The following NFATC1 variants were observed in gnomAD, a reference collection of about 807,000 sequenced individuals.
The protein encoded by NFATC1 is nuclear factor of activated T-cells, cytoplasmic 1.
In NFATC1, 22 loss-of-function variants were observed where a neutral mutation model predicts 76.0. The observed-to-expected ratio is 0.29, with a 90% CI of 0.21 to 0.41. NFATC1 has a LOEUF of 0.41. NFATC1 is among the 10% of genes least tolerant of loss of function. The pLI is 1.00. For missense variants in NFATC1, 1,357 were observed against 1,337.7 expected (o/e 1.01, Z -0.23); for synonymous variants, 704 against 613.1 (o/e 1.15, Z -2.19).
intron 1 of NFATC1, chr18:79,400,485 T>C: frequency 6.8e-7 from 1 of 1,475,530 alleles, no homozygotes; most frequent in Middle Eastern, 1.8e-4. Context: ...CCCAGGTGGG[T>C]CAGTCCCGGA....
At chr18:79,427,058 G>T (rs116181752) in intron 2 of NFATC1, among the ~76,000 whole-genome samples, 1 of 152,208 alleles carries the variant, frequency 6.6e-6, no homozygotes, top group African/African-American at 2.4e-5. Context: ...GCTGGGCTCT[G>T]GGTGCGGCTG....
intron 6 of NFATC1, among the ~76,000 whole-genome samples, chr18:79,459,734 A>G (rs2087958604): frequency 6.6e-6 from 1 of 152,154 alleles, no homozygotes; most frequent in South Asian, 2.1e-4. Context: ...CCAAAGATGG[A>G]CTTTGTCATA....
intron 8 of NFATC1, among the ~76,000 whole-genome samples, chr18:79,478,206 G>A (rs2089153578): frequency 6.8e-6 from 1 of 147,374 alleles, no homozygotes; most frequent in Non-Finnish European, 1.5e-5. Flanking sequence ...CACACAGGAA[G>A]CCAACAGGTG....
chr18:79,486,692 G>A lies in NFATC1; in HGVS notation c.2537G>A (p.Ser846Asn). Residue 846 changes from serine to asparagine, a missense_variant, in exon 9 of 10, where the codon AGC becomes AAC. By Grantham distance (46) the Ser-to-Asn change is conservative. Transcript: ENST00000427363. ...CTCGAACACTCGCTCTGCCCCAGCA[G>A]CCCCTCTCCTCCACTCCCGCCTGCC... is the stretch of plus-strand genomic sequence containing the variant. ...PGLEHSLCPS[S>N]PSPPLPPATQ... 6.2e-7 allele frequency: 1 copy of A among 1,600,376 alleles called. No homozygotes were observed. Among genetic ancestry groups the A allele is most frequent in the Non-Finnish European group, 8.5e-7 (1 of 1,175,908 alleles).
chr18:79,405,619 C>T (rs1047643574), intron 1 of NFATC1, among the ~76,000 whole-genome samples: 1 of 152,218 alleles, frequency 6.6e-6, no homozygotes, highest in Admixed American at 6.5e-5. Context: ...CCTTGCCCTT[C>T]TTCTAGGAGG....
At chr18:79,526,399 C>T (rs2090764823) in intron 9 of NFATC1, among the ~76,000 whole-genome samples, 1 of 152,252 alleles carries the variant, frequency 6.6e-6, no homozygotes, top group Non-Finnish European at 1.5e-5. Context: ...TGGCTCTGAG[C>T]AGGGCCTGCG....
intron 8 of NFATC1, among the ~76,000 whole-genome samples, chr18:79,483,064 CACTCCAGCGTGACCTGGTA>C: frequency 1.7e-5 from 2 of 115,306 alleles, no homozygotes; most frequent in African/African-American, 3.3e-5. Context: ...CCTGGGGTGT[CACTCCAGCGTGACCTGGTA>C]CTGGGGTGTA....
At chr18:79,480,507 G>T (rs756264764) in intron 8 of NFATC1, among the ~76,000 whole-genome samples, 7 of 152,180 alleles carry the variant, frequency 4.6e-5, no homozygotes, top group Admixed American at 3.3e-4. Flanking sequence ...GGTGGGTCGC[G>T]TGTCCCAGAG....
chr18:79,484,458 C>T (rs905718630), intron 8 of NFATC1, among the ~76,000 whole-genome samples: 3 of 152,168 alleles, frequency 2.0e-5, no homozygotes, highest in Non-Finnish European at 4.4e-5. Flanking sequence ...AGCCTCCCTA[C>T]TCTGTGTAGG....
intron 2 of NFATC1, among the ~76,000 whole-genome samples, chr18:79,418,274 C>A (rs1260601936): frequency 6.6e-6 from 1 of 152,140 alleles, no homozygotes. Context: ...CACAGTCAGG[C>A]GCTTAACGGC....
intron 3 of NFATC1, among the ~76,000 whole-genome samples, chr18:79,435,291 C>A (rs557200754): frequency 8.5e-4 from 129 of 151,380 alleles, no homozygotes; most frequent in South Asian, 1.7e-3. Context: ...GAGGGTAAAG[C>A]AGGACCATGA....
At chr18:79,459,240 C>G (rs374355617) in intron 6 of NFATC1, among the ~76,000 whole-genome samples, 1 of 152,370 alleles carries the variant, frequency 6.6e-6, no homozygotes, top group African/African-American at 2.4e-5. Flanking sequence ...TGGCTGGCCA[C>G]GCAGACGTGG....
intron 9 of NFATC1, among the ~76,000 whole-genome samples, chr18:79,490,612 C>A (rs982793076): frequency 6.6e-6 from 1 of 152,160 alleles, no homozygotes; most frequent in African/African-American, 2.4e-5. Context: ...AAAGCAGATT[C>A]AAATGTTTAT....
chr18:79,464,429 G>A (rs76733789), intron 7 of NFATC1, among the ~76,000 whole-genome samples: 15,921 of 151,726 alleles, frequency 0.1, 1,100 homozygotes, highest in Non-Finnish European at 0.15. Flanking sequence ...AATGGAGTTT[G>A]CTTTAATATA....
chr18:79,411,397 C>G lies in NFATC1; in HGVS notation c.1122C>G (p.Phe374Leu). 1.3e-6 allele frequency: 2 copies of G among 1,573,604 alleles called. No homozygotes were observed. Among genetic ancestry groups the G allele is most frequent in the Non-Finnish European group, 1.7e-6 (2 of 1,162,346 alleles). Residue 374 changes from phenylalanine to leucine, a missense_variant, in exon 2 of 10, where the codon TTC (phenylalanine) becomes TTG (leucine). By Grantham distance (22) the Phe-to-Leu change is conservative (BLOSUM62 0). Transcript: ENST00000427363. ...TCGCGCCCGAAGACTACTCCTCTTT[C>G]CAGCACATCAGGAAGGGCGGCTTCT... is the stretch of plus-strand genomic sequence containing the variant. Reference protein sequence around the residue: ...ADFAPEDYSSFQHIRKGGFCD... With the variant: ...ADFAPEDYSSLQHIRKGGFCD...
chr18:79,460,811 C>G (rs1600795091), intron 6 of NFATC1, among the ~76,000 whole-genome samples: 1 of 152,224 alleles, frequency 6.6e-6, no homozygotes, highest in South Asian at 2.1e-4. Flanking sequence ...ACACCTCCTG[C>G]ATCCCTGGGA....
At chr18:79,437,139 C>T (rs549561860) in intron 3 of NFATC1, among the ~76,000 whole-genome samples, 57 of 152,334 alleles carry the variant, frequency 3.7e-4, no homozygotes, top group African/African-American at 1.2e-3. Context: ...CGGGGTCTGG[C>T]GGGACCTCGG....
chr18:79,465,231 T>C lies in NFATC1; in HGVS notation c.1960-2219T>C, dbSNP rs909559009. ...CCTTCTGTGTGTATTTAAGTGGCAGTGCTCCCACGGAGATAGTATTTTTGT... is the reference window on the plus strand; with the variant it reads ...CCTTCTGTGTGTATTTAAGTGGCAGCGCTCCCACGGAGATAGTATTTTTGT... On this transcript the variant is annotated intron_variant, in intron 7 of 9. Coordinates refer to ENST00000427363, the MANE Select transcript of NFATC1 (RefSeq NM_001278669.2). The surrounding 1 kb of genome is among the most constrained non-coding windows in gnomAD (Gnocchi z 4.2). 6.6e-6 allele frequency among the ~76,000 whole-genome samples: 1 copy of C among 152,202 alleles called. No homozygotes were observed. The highest frequency in any genetic ancestry group is 2.4e-5 in the African/African-American group (1 of 41,448).
intron 9 of NFATC1, among the ~76,000 whole-genome samples, chr18:79,488,531 G>A (rs572834732): frequency 2.0e-4 from 30 of 152,284 alleles, no homozygotes; most frequent in East Asian, 1.4e-3. Context: ...ACAGTGTTCC[G>A]TGTCCTGTGC....
Sources: allele counts gnomAD v4.1 joint callset (sites outside exome capture counted in the v4.1 genomes callset), GRCh38; gene constraint gnomAD v4.1.1; non-coding constraint Gnocchi (gnomAD v3.1); transcripts MANE v1.5; gene names NCBI Gene and HGNC (gene_info 2026-07-23, HGNC 2026-07-21).